Variants in PCDH9 observed in about 807,000 individuals in gnomAD.
PCDH9 encodes protocadherin-9.
PCDH9 carries 24 observed loss-of-function variants against 70.6 expected under a neutral mutation model. That is an observed-to-expected ratio of 0.34 (90% CI 0.25 to 0.48). PCDH9 has a LOEUF of 0.48. PCDH9 is among the 20% of genes least tolerant of loss of function. The pLI, the probability that PCDH9 is intolerant of heterozygous loss-of-function variation, is 0.99. For synonymous variants in PCDH9, 562 were observed against 558.5 expected (o/e 1.01, Z -0.09); for missense variants, 1,281 against 1,503.6 (o/e 0.85, Z 2.45).
At chr13:66,342,352 A>T (rs2138147738) in intron 4 of PCDH9, among the ~76,000 whole-genome samples, 1 of 152,390 alleles carries the variant, frequency 6.6e-6, no homozygotes, top group South Asian at 2.1e-4. Context: ...CTATGAAAAT[A>T]GCTAAATGCG....
intron 4 of PCDH9, among the ~76,000 whole-genome samples, chr13:66,342,587 A>G (rs896436020): frequency 1.1e-4 from 16 of 152,026 alleles, no homozygotes; most frequent in South Asian, 8.3e-4. Context: ...CAGGATGCAA[A>G]CCCTTTCAGT....
At chr13:67,037,746 G>C (rs1047818846) in intron 2 of PCDH9, among the ~76,000 whole-genome samples, 2 of 152,150 alleles carry the variant, frequency 1.3e-5, no homozygotes, top group African/African-American at 4.8e-5. Context: ...CTGACCAAGA[G>C]CAGAGGAATG....
At chr13:66,449,976 A>G (rs1373673421) in intron 4 of PCDH9, among the ~76,000 whole-genome samples, 1 of 152,186 alleles carries the variant, frequency 6.6e-6, no homozygotes, top group East Asian at 1.9e-4. Flanking sequence ...TTTACACAAT[A>G]GGCAGGACAA....
chr13:66,536,137 G>C (rs1482125068), intron 4 of PCDH9, among the ~76,000 whole-genome samples: 1 of 151,910 alleles, frequency 6.6e-6, no homozygotes, highest in Non-Finnish European at 1.5e-5. Context: ...TATCTCAATT[G>C]ATTATTCATA....
intron 4 of PCDH9, among the ~76,000 whole-genome samples, chr13:66,389,975 T>G (rs558427809): frequency 1.3e-5 from 2 of 152,316 alleles, no homozygotes; most frequent in East Asian, 1.9e-4. Context: ...AAAATTATTT[T>G]TCTTTTCATA....
intron 2 of PCDH9, among the ~76,000 whole-genome samples, chr13:66,986,671 A>T (rs922308565): frequency 6.6e-6 from 1 of 152,034 alleles, no homozygotes; most frequent in African/African-American, 2.4e-5. Flanking sequence ...GACTTTCAAT[A>T]ATGATTTTCC....
At chr13:67,117,994 A>G (rs958583617) in intron 2 of PCDH9, among the ~76,000 whole-genome samples, 12 of 152,178 alleles carry the variant, frequency 7.9e-5, no homozygotes, top group Non-Finnish European at 1.6e-4. Context: ...ACATCGCTCC[A>G]TAAATAAAAA....
At chr13:66,616,950 G>C (rs1382380259) in intron 4 of PCDH9, among the ~76,000 whole-genome samples, 1 of 152,118 alleles carries the variant, frequency 6.6e-6, no homozygotes, top group Non-Finnish European at 1.5e-5. Context: ...CTGCATCTAA[G>C]GAATCCAGAG....
chr13:66,887,398 G>A (rs535976548), intron 3 of PCDH9, among the ~76,000 whole-genome samples: 3 of 151,900 alleles, frequency 2.0e-5, no homozygotes, highest in Admixed American at 6.6e-5. Context: ...AAAATGCTAC[G>A]TTCTATTTTC....
chr13:66,925,663 T>C (rs2082706302), intron 2 of PCDH9, among the ~76,000 whole-genome samples: 2 of 151,940 alleles, frequency 1.3e-5, no homozygotes, highest in South Asian at 2.1e-4. Flanking sequence ...TCTTTCTAAA[T>C]AGCATATTTG....
At chr13:66,640,975 G>A (rs1194775178) in intron 3 of PCDH9, among the ~76,000 whole-genome samples, 4 of 151,856 alleles carry the variant, frequency 2.6e-5, no homozygotes, top group East Asian at 3.9e-4. Context: ...TCCCGGGTTC[G>A]AGCAATTCTC....
intron 2 of PCDH9, among the ~76,000 whole-genome samples, chr13:67,063,251 T>C (rs1215352307): frequency 6.6e-6 from 1 of 152,062 alleles, no homozygotes; most frequent in Non-Finnish European, 1.5e-5. Context: ...AGCAATTACA[T>C]GCTCCAGCCC....
At chr13:67,228,897 C>T (rs923684891) in intron 1 of PCDH9, among the ~76,000 whole-genome samples, 5 of 152,196 alleles carry the variant, frequency 3.3e-5, no homozygotes, top group African/African-American at 1.2e-4. Flanking sequence ...CACCCTCCTC[C>T]TAGCCTCTAA....
At chr13:66,554,963 A>T (rs1339422836) in intron 4 of PCDH9, among the ~76,000 whole-genome samples, 4 of 152,110 alleles carry the variant, frequency 2.6e-5, no homozygotes, top group Non-Finnish European at 5.9e-5. Context: ...TGAGGTTGGG[A>T]GTTCAAGACC....
At chr13:66,475,611 T>C (rs755750092) in intron 4 of PCDH9, among the ~76,000 whole-genome samples, 3 of 152,038 alleles carry the variant, frequency 2.0e-5, no homozygotes, top group Non-Finnish European at 1.5e-5. Flanking sequence ...TCTTTATCTT[T>C]CCTATGCCCA....
At chr13:66,394,901 A>C (rs1054729906) in intron 4 of PCDH9, among the ~76,000 whole-genome samples, 1 of 152,218 alleles carries the variant, frequency 6.6e-6, no homozygotes, top group African/African-American at 2.4e-5. Flanking sequence ...ATACTGAATG[A>C]AAACAAATTA....
intron 4 of PCDH9, among the ~76,000 whole-genome samples, chr13:66,512,776 G>T (rs537131064): frequency 5.9e-5 from 9 of 151,952 alleles, no homozygotes; most frequent in African/African-American, 2.2e-4. Flanking sequence ...AAGACACATG[G>T]ACTCATTCTT....
At chr13:66,490,836 T>C (rs559141737) in intron 4 of PCDH9, among the ~76,000 whole-genome samples, 29 of 152,314 alleles carry the variant, frequency 1.9e-4, no homozygotes, top group Non-Finnish European at 3.2e-4. Context: ...TTTTTTCTCA[T>C]AGGTAAAAGT....
intron 2 of PCDH9, among the ~76,000 whole-genome samples, chr13:66,919,905 G>A (rs903206745): frequency 6.6e-6 from 1 of 150,864 alleles, no homozygotes; most frequent in Non-Finnish European, 1.5e-5. Context: ...TTCTTATTCG[G>A]TTTTTAAACT....
Sources: allele counts gnomAD v4.1 joint callset (sites outside exome capture counted in the v4.1 genomes callset), GRCh38; gene constraint gnomAD v4.1.1; transcripts MANE v1.5; gene names NCBI Gene and HGNC (gene_info 2026-07-23, HGNC 2026-07-21).